The following ARHGEF18 variants were observed in gnomAD, a reference collection of about 807,000 sequenced individuals.
ARHGEF18 encodes rho guanine nucleotide exchange factor 18.
ARHGEF18 carries 93 observed loss-of-function variants against 155.7 expected under a neutral mutation model. That is an observed-to-expected ratio of 0.60 (90% CI 0.50 to 0.71). ARHGEF18 has a LOEUF of 0.71. ARHGEF18 is among the 30% of genes least tolerant of loss of function. The pLI, the probability that ARHGEF18 is intolerant of heterozygous loss-of-function variation, is 0.00. For missense variants in ARHGEF18, 1,593 were observed against 1,816.1 expected, an observed-to-expected ratio of 0.88 and a Z score of 2.23; for synonymous variants, 742 against 753.1, an observed-to-expected ratio of 0.99 and a Z score of 0.24.
chr19:7,413,102 T>A (rs981376463), intron 10 of ARHGEF18, among the ~76,000 whole-genome samples: 3 of 151,944 alleles, frequency 2.0e-5, no homozygotes, highest in Admixed American at 2.0e-4. Context: ...CCACACCATA[T>A]TTTTGGGGGC....
At chr19:7,415,136 T>C (rs1261668682) in intron 10 of ARHGEF18, among the ~76,000 whole-genome samples, 22 of 152,210 alleles carry the variant, frequency 1.4e-4, no homozygotes. Context: ...TCAACAAAGC[T>C]GGACCCAAGG....
At chr19:7,350,666 A>G (rs1193923856) in intron 1 of ARHGEF18, among the ~76,000 whole-genome samples, 2 of 152,120 alleles carry the variant, frequency 1.3e-5, no homozygotes, top group African/African-American at 4.8e-5. Flanking sequence ...GGGCGTTCAA[A>G]TCCCAGTTCC....
chr19:7,360,443 T>C (rs1245808118), intron 1 of ARHGEF18, among the ~76,000 whole-genome samples: 6 of 151,866 alleles, frequency 4.0e-5, no homozygotes, highest in African/African-American at 1.4e-4. Flanking sequence ...GCCATGTTGG[T>C]CAGGCTGGTC....
intron 1 of ARHGEF18, among the ~76,000 whole-genome samples, chr19:7,352,397 T>A (rs1969180325): frequency 6.6e-6 from 1 of 151,956 alleles, no homozygotes; most frequent in Non-Finnish European, 1.5e-5. Flanking sequence ...CAACATAAGA[T>A]TGCTAAGAGC....
chr19:7,412,523 C>A (rs34271378), intron 10 of ARHGEF18, among the ~76,000 whole-genome samples: 80,506 of 151,312 alleles, frequency 0.53, 22,146 homozygotes, highest in Middle Eastern at 0.73. Flanking sequence ...GGGCGGATCA[C>A]CTGAGGTCAG....
intron 13 of ARHGEF18, among the ~76,000 whole-genome samples, chr19:7,442,581 T>C (rs1004157641): frequency 6.6e-5 from 10 of 152,212 alleles, no homozygotes; most frequent in Middle Eastern, 3.2e-3. Flanking sequence ...CTGCCTCCCA[T>C]GCCAGGAAAG....
chr19:7,450,437 G>C (rs934689666), intron 15 of ARHGEF18, among the ~76,000 whole-genome samples: 1 of 1,562 alleles, frequency 6.4e-4, no homozygotes, highest in Non-Finnish European at 1.9e-3. Context: ...CTTGCTTTCC[G>C]TTTCCGTTTC....
At chr19:7,364,547 G>A (rs1272934383) in intron 2 of ARHGEF18, among the ~76,000 whole-genome samples, 3 of 152,104 alleles carry the variant, frequency 2.0e-5, no homozygotes, top group Non-Finnish European at 4.4e-5. Flanking sequence ...TTCTCTAAGC[G>A]CTTATGTCAG....
intron 1 of ARHGEF18, among the ~76,000 whole-genome samples, chr19:7,357,198 G>T (rs1036040167): frequency 2.6e-5 from 4 of 152,170 alleles, no homozygotes; most frequent in South Asian, 2.1e-4. Context: ...GATGAACAAA[G>T]CTGCCAGTGT....
intron 10 of ARHGEF18, among the ~76,000 whole-genome samples, chr19:7,399,773 CTTT>C (rs776187441): frequency 3.7e-5 from 5 of 136,106 alleles, no homozygotes; most frequent in Non-Finnish European, 4.8e-5. Flanking sequence ...GCCACCACGC[CTTT>C]TTTTTTTTTT....
At position 7,440,092 on chromosome 19, in the gene ARHGEF18, C is replaced by G. The variant is rs1210738697; in HGVS notation, c.968-252C>G. ...GGCGCCGCGCCGGGTCCCGGAGCCC[C>G]GGGCGCGAACATGGGGAATGCGCAC... On this transcript the variant is annotated intron_variant, in intron 10 of 28. Transcript: ENST00000668164. The surrounding 1 kb of genome is among the most constrained non-coding windows in gnomAD (Gnocchi z 5.4). The G allele has an allele frequency of 1.9e-6, 3 of 1,550,456 alleles. No homozygotes were observed. The highest frequency in any genetic ancestry group is 2.0e-5 in the Admixed American group (1 of 50,944).
chr19:7,389,514 C>CCTTT (rs112938203), intron 10 of ARHGEF18, among the ~76,000 whole-genome samples: 1 of 70,168 alleles, frequency 1.4e-5, no homozygotes, highest in African/African-American at 4.7e-5. Flanking sequence ...TTCCTTCCTT[C>CCTTT]CTTTCTTTCT....
chr19:7,457,766 T>G (rs116836307), intron 18 of ARHGEF18, among the ~76,000 whole-genome samples: 2,188 of 152,146 alleles, frequency 0.014, 63 homozygotes, highest in African/African-American at 0.051. Context: ...TGTAGCCCAC[T>G]CTAGCCAGTT....
At chr19:7,439,793 C>T (rs1974508638) in intron 10 of ARHGEF18, 1 of 1,421,204 alleles carries the variant, frequency 7.0e-7, no homozygotes, top group Non-Finnish European at 9.2e-7. Flanking sequence ...CCAGGCTCAC[C>T]GTTTCATGAT....
At chr19:7,387,095 A>AT in intron 10 of ARHGEF18, among the ~76,000 whole-genome samples, 1 of 152,086 alleles carries the variant, frequency 6.6e-6, no homozygotes, top group East Asian at 1.9e-4. Context: ...TTCGGCAACA[A>AT]TTTTCTAAGC....
At chr19:7,369,661 G>C (rs1327463786) in intron 2 of ARHGEF18, among the ~76,000 whole-genome samples, 4 of 152,106 alleles carry the variant, frequency 2.6e-5, no homozygotes, top group African/African-American at 7.2e-5. Context: ...GCCGGGCATT[G>C]TGGCAGGCGC....
In ARHGEF18 at chr19:7,463,150, A is replaced by G. The variant is rs1976392861; in HGVS notation, c.2636-668A>G. ...CGCCCTGCCTCAATCTGCTCTTTCA[A>G]CAGTGAGGGAAGCCGACTCAGCCCC... is the stretch of plus-strand genomic sequence containing the variant. On this transcript the variant is annotated intron_variant, in intron 21 of 28. Transcript: ENST00000668164. This position sits in a 1 kb window ranked among gnomAD's most constrained non-coding sequence, Gnocchi z 5.2. Among the ~76,000 whole-genome samples, 1 of 151,968 alleles carries G rather than the reference A, an allele frequency of 6.6e-6. No individual in the cohort carries two copies. Among genetic ancestry groups the G allele is most frequent in the Admixed American group, 6.5e-5 (1 of 15,270 alleles).
chr19:7,384,355 G>C (rs1436790809), intron 10 of ARHGEF18, among the ~76,000 whole-genome samples: 1 of 152,194 alleles, frequency 6.6e-6, no homozygotes, highest in Admixed American at 6.5e-5. Flanking sequence ...CTCCAGACAG[G>C]AATCAATGGG....
rs536508055 is a variant in ARHGEF18 at position 7,470,018 on chromosome 19, C to T, written c.3902C>T (p.Ala1301Val). Residue 1301 changes from alanine (A) to valine (V), a missense_variant, in exon 28 of 29, where the codon GCG (alanine) becomes GTG (valine). Transcript: ENST00000668164. The surrounding 1 kb of genome is among the most constrained non-coding windows in gnomAD (Gnocchi z 5.9). ...ATCCTGCCCGGCAGACACAGTCCTG[C>T]GCCCCCACCAGGTGAGCCCCCACCC... ...SPILPGRHSP[A>V]PPPDPGFPAP... is the part of the protein sequence containing the mutation. The T allele has an allele frequency of 7.5e-5, 121 of 1,612,926 alleles. 1 individual carries two copies. The South Asian group carries it at 8.8e-4, about 12-fold the overall frequency.
Sources: allele counts gnomAD v4.1 joint callset (sites outside exome capture counted in the v4.1 genomes callset), GRCh38; gene constraint gnomAD v4.1.1; non-coding constraint Gnocchi (gnomAD v3.1); transcripts MANE v1.5; gene names NCBI Gene and HGNC (gene_info 2026-07-23, HGNC 2026-07-21).